TGFB2: variants seen among roughly 807,000 people sequenced by gnomAD.
TGFB2 encodes transforming growth factor beta 2, also known as transforming growth factor beta-2 proprotein.
A neutral mutation model predicts 42.7 loss-of-function variants in TGFB2; 13 were observed. The ratio of observed to expected loss-of-function variants is 0.30; its 90% CI spans 0.20 to 0.48. TGFB2 has a LOEUF of 0.48. Among genes scored for constraint, TGFB2 ranks in the 20% least tolerant of loss-of-function variants. The pLI is 0.99. For missense variants in TGFB2, 390 were observed against 517.5 expected (o/e 0.75, Z 2.39); for synonymous variants, 193 against 193.6 (o/e 1.00, Z 0.03).
chr1:218,379,316 G>A (rs1173375890), intron 1 of TGFB2, among the ~76,000 whole-genome samples: 2 of 151,498 alleles, frequency 1.3e-5, no homozygotes, highest in African/African-American at 4.8e-5. Context: ...TGTATTTTTA[G>A]TAGAGACAGG....
chr1:218,397,112 C>CA (rs1302400710), intron 1 of TGFB2, among the ~76,000 whole-genome samples: 1 of 151,102 alleles, frequency 6.6e-6, no homozygotes, highest in Non-Finnish European at 1.5e-5. Context: ...ACTAAAAATA[C>CA]AAAAAATTAG....
intron 1 of TGFB2, among the ~76,000 whole-genome samples, chr1:218,364,147 C>A (rs1657308744): frequency 6.6e-6 from 1 of 152,146 alleles, no homozygotes; most frequent in South Asian, 2.1e-4. Context: ...AGTTATGCTG[C>A]TGATTATTTG....
chr1:218,354,486 T>A (rs1425343510), intron 1 of TGFB2, among the ~76,000 whole-genome samples: 6 of 152,226 alleles, frequency 3.9e-5, no homozygotes, highest in African/African-American at 7.2e-5. Context: ...TGAAGACTTA[T>A]AAACCAAGCA....
chr1:218,376,889 A>G (rs1657759533), intron 1 of TGFB2, among the ~76,000 whole-genome samples: 1 of 152,132 alleles, frequency 6.6e-6, no homozygotes, highest in Admixed American at 6.5e-5. Context: ...TGGTTGGTTA[A>G]TGAAACCAGC....
At chr1:218,435,376 A>G (rs1210667791) in intron 4 of TGFB2, among the ~76,000 whole-genome samples, 1 of 152,208 alleles carries the variant, frequency 6.6e-6, no homozygotes, top group Non-Finnish European at 1.5e-5. Context: ...AAGTTTCTAA[A>G]TCTCAGATGG....
intron 1 of TGFB2, among the ~76,000 whole-genome samples, chr1:218,390,673 T>C (rs1021735017): frequency 2.9e-4 from 44 of 152,230 alleles, no homozygotes; most frequent in African/African-American, 9.4e-4. Flanking sequence ...GCTGTTTTTC[T>C]TCCTCTCACA....
chr1:218,371,195 G>A (rs1657559260), intron 1 of TGFB2, among the ~76,000 whole-genome samples: 2 of 152,170 alleles, frequency 1.3e-5, no homozygotes. Flanking sequence ...CAGCTATTCA[G>A]GAGGCTGAGG....
intron 2 of TGFB2, among the ~76,000 whole-genome samples, chr1:218,422,288 G>C (rs1571890348): frequency 2.0e-5 from 3 of 151,578 alleles, no homozygotes; most frequent in South Asian, 2.1e-4. Flanking sequence ...TACAATCTTG[G>C]CTCGCTGCAG....
chr1:218,365,629 C>T (rs1490951393), intron 1 of TGFB2, among the ~76,000 whole-genome samples: 1 of 151,700 alleles, frequency 6.6e-6, no homozygotes, highest in Non-Finnish European at 1.5e-5. Context: ...CCTTTCAGAC[C>T]TTCCCTGCAA....
intron 6 of TGFB2, among the ~76,000 whole-genome samples, chr1:218,437,983 A>G (rs1160049303): frequency 6.6e-6 from 1 of 152,194 alleles, no homozygotes; most frequent in Non-Finnish European, 1.5e-5. Context: ...TCATTTGGGG[A>G]ACATTCCAGA....
chr1:218,363,260 G>A, intron 1 of TGFB2: 3 of 1,278,218 alleles, frequency 2.3e-6, no homozygotes, highest in Non-Finnish European at 3.4e-6. Context: ...CTTCTACTTT[G>A]AATCTTTGTA....
At chr1:218,397,053 G>A (rs1360130562) in intron 1 of TGFB2, among the ~76,000 whole-genome samples, 5 of 151,966 alleles carry the variant, frequency 3.3e-5, no homozygotes, top group African/African-American at 1.2e-4. Flanking sequence ...GATCACCTGA[G>A]GTCAGGAGTT....
In TGFB2 at chr1:218,436,144, T is replaced by A. The variant is rs1659965863; in HGVS notation, c.929T>A (p.Phe310Tyr). 3 of 1,607,942 alleles carry A rather than the reference T, an allele frequency of 1.9e-6. No homozygotes were observed. The highest frequency in any genetic ancestry group is 2.5e-6 in the Non-Finnish European group (3 of 1,178,288). ...CGTGCTTTGGATGCGGCCTATTGCTTTAGGTAAAGGAAAGAAAAGTAAAAC... is the reference window on the plus strand; with the variant it reads ...CGTGCTTTGGATGCGGCCTATTGCTATAGGTAAAGGAAAGAAAAGTAAAAC... Reference protein sequence around the residue: ...KKRALDAAYCFRNVQDNCCLR... With the variant: ...KKRALDAAYCYRNVQDNCCLR... Residue 310 changes from phenylalanine (F) to tyrosine (Y), a missense_variant, in exon 5 of 7, where the codon TTT (phenylalanine) becomes TAT (tyrosine). Transcript: ENST00000366930.
chr1:218,377,962 TTG>T (rs1024643145), intron 1 of TGFB2, among the ~76,000 whole-genome samples: 5 of 123,078 alleles, frequency 4.1e-5, no homozygotes, highest in African/African-American at 2.7e-4. Flanking sequence ...TATAGTGTGT[TTG>T]TTTGTTTGTT....
chr1:218,369,466 G>C (rs577713442), intron 1 of TGFB2, among the ~76,000 whole-genome samples: 1 of 152,104 alleles, frequency 6.6e-6, no homozygotes, highest in Non-Finnish European at 1.5e-5. Flanking sequence ...AGTGGGTTTT[G>C]TATTTAGAAA....
At chr1:218,431,200 C>A (rs1384616805) in intron 2 of TGFB2, among the ~76,000 whole-genome samples, 6 of 152,170 alleles carry the variant, frequency 3.9e-5, no homozygotes, top group Non-Finnish European at 5.9e-5. Flanking sequence ...TCCAGAGGAC[C>A]TTTCACCCAA....
At chr1:218,387,110 A>T (rs1408406989) in intron 1 of TGFB2, among the ~76,000 whole-genome samples, 1 of 152,148 alleles carries the variant, frequency 6.6e-6, no homozygotes, top group Non-Finnish European at 1.5e-5. Context: ...GGATGAATAG[A>T]ATTTGCCAAA....
Position 218,346,658 on chromosome 1 carries a change from A to G in TGFB2, c.-44A>G. 6.7e-7 allele frequency: 1 copy of G among 1,498,944 alleles called. No homozygotes were observed. Among genetic ancestry groups the G allele is most frequent in the Non-Finnish European group, 9.1e-7 (1 of 1,103,272 alleles). The allele number at this position is 1,498,944 out of a possible 1,614,324, so 92.9% of individuals were successfully genotyped here. Reference sequence around the variant, plus strand: ...TGAGAATTGTTGATTTCTTTTTTTTATTCTGACTTTTAAAAACAACTTTTT... The same window carrying G: ...TGAGAATTGTTGATTTCTTTTTTTTGTTCTGACTTTTAAAAACAACTTTTT... On this transcript the variant is annotated 5_prime_UTR_variant, in exon 1 of 7. Transcript: ENST00000366930. The surrounding 1 kb of genome is among the most constrained non-coding windows in gnomAD (Gnocchi z 4.9).
intron 5 of TGFB2, among the ~76,000 whole-genome samples, chr1:218,436,926 G>T (rs921508130): frequency 5.3e-5 from 8 of 152,180 alleles, no homozygotes; most frequent in African/African-American, 1.9e-4. Flanking sequence ...TTAGATGGTT[G>T]TTTGAAAATT....
Sources: gnomAD v4.1 joint callset for allele counts (sites outside exome capture counted in the v4.1 genomes callset) on GRCh38, gnomAD v4.1.1 for gene constraint, Gnocchi (gnomAD v3.1) non-coding constraint, MANE v1.5 for transcripts, NCBI Gene and HGNC (gene_info 2026-07-23, HGNC 2026-07-21) for gene names.